CNTN2: variants seen among roughly 807,000 people sequenced by gnomAD.
CNTN2 encodes contactin 2, also known as contactin-2.
Under a neutral mutation model 117.5 loss-of-function variants are expected in CNTN2, and 53 were observed. The ratio of observed to expected loss-of-function variants is 0.45; its 90% confidence interval spans 0.36 to 0.57. CNTN2 has a LOEUF of 0.57. CNTN2 is among the 20% of genes least tolerant of loss of function. CNTN2 has a pLI of 0.00. For synonymous variants in CNTN2, 530 were observed against 561.7 expected (o/e 0.94, Z 0.80); for missense variants, 1,106 against 1,404.3 (o/e 0.79, Z 3.39).
chr1:205,045,468 G>A (rs1490162146), intron 1 of CNTN2, among the ~76,000 whole-genome samples: 3 of 152,150 alleles, frequency 2.0e-5, no homozygotes, highest in Non-Finnish European at 4.4e-5. Flanking sequence ...TTAGGAGCAT[G>A]TACATAGACA....
In CNTN2 at chr1:205,059,654, G is replaced by C. The variant is rs756026148; in HGVS notation, c.769G>C (p.Val257Leu). ...AETYALVGQQ[V>L]TLECFAFGNP... Reference sequence around the variant, plus strand: ...GACCTATGCACTGGTGGGGCAGCAGGTCACCCTGGAGTGCTTCGCCTTTGG... The same window carrying C: ...GACCTATGCACTGGTGGGGCAGCAGCTCACCCTGGAGTGCTTCGCCTTTGG... The change falls in exon 7 of 23, where the codon GTC becomes CTC. Residue 257 changes from valine (V) to leucine (L), a missense_variant. By Grantham distance (32) the Val-to-Leu change is conservative. Transcript: ENST00000331830. This position sits in a 1 kb window ranked among gnomAD's most constrained non-coding sequence, Gnocchi z 5.6. The C allele has an allele frequency of 1.9e-6, 3 of 1,614,072 alleles. No homozygotes were observed.
intron 18 of CNTN2, 22 bp downstream of exon 18, chr1:205,070,083 T>C (rs2151198688): frequency 1.2e-6 from 2 of 1,606,512 alleles, no homozygotes; most frequent in Non-Finnish European, 8.5e-7. Flanking sequence ...CTGGGCCCCC[T>C]GCTCGTCCCT....
intron 1 of CNTN2, 135 bp from the exon 2 acceptor site, chr1:205,052,965 C>G: frequency 2.3e-6 from 1 of 429,336 alleles, no homozygotes; most frequent in Non-Finnish European, 4.2e-6. Context: ...TCCTCTGGGG[C>G]CCTGGGGAGA....
intron 14 of CNTN2, chr1:205,066,157 G>A (rs994249861): frequency 9.8e-6 from 6 of 614,696 alleles, no homozygotes; most frequent in African/African-American, 9.3e-5. Context: ...GTGCTTTACT[G>A]AGCCCTGAAG....
intron 19 of CNTN2, 145 bp downstream of exon 19, chr1:205,070,683 G>A (rs763395419): frequency 1.7e-6 from 1 of 598,512 alleles, no homozygotes; most frequent in Non-Finnish European, 3.0e-6. Flanking sequence ...GTGTAGCACT[G>A]TGAATGCAAA....
chr1:205,071,788 C>T (rs943232491), intron 19 of CNTN2, among the ~76,000 whole-genome samples, 159 bp from the exon 20 acceptor site: 6 of 152,198 alleles, frequency 3.9e-5, no homozygotes, highest in Non-Finnish European at 7.3e-5. Context: ...CCACATGGCC[C>T]TGCTGTCTGG....
At chr1:205,072,458 C>G (rs764995775) in intron 20 of CNTN2, 25 bp from the exon 21 acceptor site, 2 of 1,597,160 alleles carry the variant, frequency 1.3e-6, no homozygotes, top group South Asian at 2.2e-5. Flanking sequence ...GTTTGGACAT[C>G]TCTCCAATTC....
intron 2 of CNTN2, among the ~76,000 whole-genome samples, chr1:205,054,907 A>ATGC (rs2096458653): frequency 2.0e-5 from 3 of 152,174 alleles, no homozygotes; most frequent in African/African-American, 7.2e-5. Context: ...GGGAAAAGTT[A>ATGC]CCAGGACAGG....
intron 1 of CNTN2, among the ~76,000 whole-genome samples, chr1:205,047,285 C>G (rs2096443238): frequency 6.6e-6 from 1 of 152,110 alleles, no homozygotes. Flanking sequence ...TTCACCCCAC[C>G]CCTGCCAGCT....
chr1:205,057,159 T>A (rs921265454), intron 2 of CNTN2: 1 of 152,276 alleles, frequency 6.6e-6, no homozygotes, highest in Non-Finnish European at 1.5e-5. Context: ...TCTGGCTGAA[T>A]CCTCATGCAG....
chr1:205,043,589 C>A lies in CNTN2; in HGVS notation c.-87+195C>A, dbSNP rs543401669. Among the ~76,000 whole-genome samples, 4 of 152,310 alleles carry A rather than the reference C, an allele frequency of 2.6e-5. No individual in the cohort carries two copies. The South Asian group carries it at 6.2e-4, about 24-fold the overall frequency. On this transcript the variant is annotated intron_variant, in intron 1 of 22. Transcript: ENST00000331830. ...GGGTGGGTGCTGGGGCTCCCCTCCG[C>A]CCTGTCTACGTGGGCGGCATCCCGC...
In CNTN2 at chr1:205,058,304, C is replaced by T. The variant is rs1485358046; in HGVS notation, c.339C>T (p.Ala113=). 1.3e-6 allele frequency: 2 copies of T among 1,528,796 alleles called. No individual in the cohort carries two copies. The highest frequency in any genetic ancestry group is 1.8e-4 in the Middle Eastern group (1 of 5,646). 94.7% of individuals were successfully genotyped at this position (1,528,796 alleles called of 1,614,324 possible). Residue 113 remains alanine (A), a synonymous_variant, in exon 4 of 23, where the codon GCC becomes GCT. Coordinates refer to ENST00000331830, the MANE Select transcript of CNTN2 (RefSeq NM_005076.5). This position sits in a 1 kb window ranked among gnomAD's most constrained non-coding sequence, Gnocchi z 4.3. ...AQDAGVYQCL[A]SNPVGTVVSR... is the part of the protein sequence containing the mutation. ...ATGCCGGGGTCTACCAGTGCCTGGC[C>T]TCCAACCCAGTGGGCACCGTTGTCA...
intron 2 of CNTN2, among the ~76,000 whole-genome samples, chr1:205,055,610 G>C (rs2096459726): frequency 6.6e-6 from 1 of 152,186 alleles, no homozygotes; most frequent in Non-Finnish European, 1.5e-5. Flanking sequence ...CTCCTTATCT[G>C]TGAGATGGAG....
At chr1:205,066,398 G>A (rs1462647338) in intron 14 of CNTN2, 43 bp from the exon 15 acceptor site, 2 of 1,596,270 alleles carry the variant, frequency 1.3e-6, no homozygotes, top group Middle Eastern at 3.6e-4. Flanking sequence ...CAAATTGGAA[G>A]CTGCCCAATT....
In CNTN2 at chr1:205,073,620, C is replaced by T; in HGVS notation, c.3014-36C>T. On this transcript the variant is annotated intron_variant, in intron 22 of 22. Coordinates refer to ENST00000331830, the MANE Select transcript of CNTN2 (RefSeq NM_005076.5). The surrounding 1 kb of genome is among the most constrained non-coding windows in gnomAD (Gnocchi z 6.3). ...GCCACAAGGGTGGGGCTAGGGTAGT[C>T]CCAGGCCCAGCTGACTCAGCTTGTG... 4 of 1,593,650 alleles carry T rather than the reference C, an allele frequency of 2.5e-6. No homozygotes were observed. The highest frequency in any genetic ancestry group is 2.2e-5 in the South Asian group (2 of 90,274).
At chr1:205,066,281 G>T (rs1286955340) in intron 14 of CNTN2, 160 bp from the exon 15 acceptor site, 2 of 801,824 alleles carry the variant, frequency 2.5e-6, no homozygotes, top group Non-Finnish European at 3.9e-6. Context: ...CGCCCCAACT[G>T]CCCACACCCC....
chr1:205,058,120 T>C lies in CNTN2; in HGVS notation c.215+55T>C. 1 of 1,602,534 alleles carries C rather than the reference T, an allele frequency of 6.2e-7. No individual in the cohort carries two copies. The highest frequency in any genetic ancestry group is 1.7e-4 in the Middle Eastern group (1 of 6,030). On this transcript the variant is annotated intron_variant, in intron 3 of 22. Coordinates refer to ENST00000331830, the MANE Select transcript of CNTN2 (RefSeq NM_005076.5). This position sits in a 1 kb window ranked among gnomAD's most constrained non-coding sequence, Gnocchi z 4.3. ...CCCTGGGCAGCCGTTGAACTTTCCC[T>C]CTCATCAGCCCTGCCACCAGGCAGG...
In CNTN2 at chr1:205,065,424, C is replaced by A. The variant is rs11240346; in HGVS notation, c.1695+162C>A. Among the ~76,000 whole-genome samples the A allele has an allele frequency of 1.3e-5, 2 of 152,032 alleles. No homozygotes were observed. The highest frequency in any genetic ancestry group is 1.3e-4 in the Admixed American group (2 of 15,270). ...AGCTCATCCTTGGATGAACAGCTGA[C>A]CTTCCTGGATTCCACCCAGGGACCA... On this transcript the variant is annotated intron_variant, in intron 13 of 22. Transcript: ENST00000331830. This position sits in a 1 kb window ranked among gnomAD's most constrained non-coding sequence, Gnocchi z 4.1.
intron 14 of CNTN2, 115 bp from the exon 15 acceptor site, chr1:205,066,326 C>G: frequency 7.8e-7 from 1 of 1,273,986 alleles, no homozygotes; most frequent in Non-Finnish European, 1.1e-6. Context: ...GTGTTCACTG[C>G]ATCCTCTGCT....
Sources: gnomAD v4.1 joint callset for allele counts (sites outside exome capture counted in the v4.1 genomes callset) on GRCh38, gnomAD v4.1.1 for gene constraint, Gnocchi (gnomAD v3.1) non-coding constraint, MANE v1.5 for transcripts, NCBI Gene and HGNC (gene_info 2026-07-23, HGNC 2026-07-21) for gene names.